FBXL18: variants seen among roughly 807,000 people sequenced by gnomAD.
FBXL18 encodes the protein F-box and leucine rich repeat protein 18.
In FBXL18, 36 loss-of-function variants were observed where a neutral mutation model predicts 46.0. That is an observed-to-expected ratio of 0.78 (90% CI 0.60 to 1.03). FBXL18 has a LOEUF of 1.03. Ranked by LOEUF, FBXL18 falls within the 50% of genes least tolerant of loss-of-function variation. The pLI is 0.00. For synonymous variants in FBXL18, 557 were observed against 465.3 expected (o/e 1.20, Z -2.54); for missense variants, 977 against 1,004.1 (o/e 0.97, Z 0.36).
At chr7:5,505,355 G>A in intron 2 of FBXL18, 57 bp downstream of exon 2, 18 of 1,522,628 alleles carry the variant, frequency 1.2e-5, no homozygotes, top group Non-Finnish European at 1.6e-5. Context: ...GCTGTGCCCA[G>A]TCCTCAAAGA....
chr7:5,506,012 A>G (rs1784386000), intron 1 of FBXL18, among the ~76,000 whole-genome samples: 1 of 151,126 alleles, frequency 6.6e-6, no homozygotes, highest in African/African-American at 2.4e-5. Flanking sequence ...CTACAGACGC[A>G]TGCCACTTTG....
intron 1 of FBXL18, among the ~76,000 whole-genome samples, chr7:5,508,726 G>C (rs1784455757): frequency 6.6e-6 from 1 of 152,072 alleles, no homozygotes; most frequent in South Asian, 2.1e-4. Flanking sequence ...CAGAACCAGA[G>C]ACAAACTTGA....
chr7:5,493,000 C>T (rs904472011), intron 3 of FBXL18, among the ~76,000 whole-genome samples: 1 of 152,126 alleles, frequency 6.6e-6, no homozygotes, highest in African/African-American at 2.4e-5. Context: ...CAGCAGAAGG[C>T]GCCACAGGCA....
rs1057365667 is a variant in FBXL18 at position 5,496,887 on chromosome 7, C to G, written c.1781+3601G>C. On this transcript the variant is annotated intron_variant, in intron 3 of 4. Coordinates refer to ENST00000382368, the MANE Select transcript of FBXL18 (RefSeq NM_024963.6). This position sits in a 1 kb window ranked among gnomAD's most constrained non-coding sequence, Gnocchi z 4.8. ...CTAAAAATACAAAAAAAAAATTAGCCGAGTATGGTGGTGGGCACCTGTAAT... is the reference window on the plus strand; with the variant it reads ...CTAAAAATACAAAAAAAAAATTAGCGGAGTATGGTGGTGGGCACCTGTAAT... 1.6e-4 allele frequency among the ~76,000 whole-genome samples: 25 copies of G among 151,834 alleles called. No individual in the cohort carries two copies. Among genetic ancestry groups the G allele is most frequent in the Admixed American group, 6.6e-5 (1 of 15,226 alleles).
Position 5,505,525 on chromosome 7 carries a change from G to C in FBXL18, c.124C>G (p.His42Asp). 1 of 1,614,164 alleles carries C rather than the reference G, an allele frequency of 6.2e-7. No homozygotes were observed. The highest frequency in any genetic ancestry group is 1.1e-5 in the South Asian group (1 of 91,074). The stretch of plus-strand genomic sequence containing the variant: ...AGAATCAGATCTGTGCTGGGGACGT[G>C]ACTCAGGATGTGAAGGAGGATCTCA... ...SDEILLHILS[H>D]VPSTDLILNV... Residue 42 changes from histidine (H) to aspartate (D), a missense_variant, in exon 2 of 5, where the codon CAC becomes GAC. Coordinates refer to ENST00000382368, the MANE Select transcript of FBXL18 (RefSeq NM_024963.6).
rs540503935 is a variant in FBXL18 at position 5,496,179 on chromosome 7, T to C, written c.1781+4309A>G. 6.6e-6 allele frequency among the ~76,000 whole-genome samples: 1 copy of C among 152,248 alleles called. No homozygotes were observed. Among genetic ancestry groups the C allele is most frequent in the South Asian group, 2.1e-4 (1 of 4,820 alleles). ...CACTCTCTGGGCCTTACTTTCTTCA[T>C]CCATTAAGTGGGTACAACTGTGTCG... On this transcript the variant is annotated intron_variant, in intron 3 of 4. Coordinates refer to ENST00000382368, the MANE Select transcript of FBXL18 (RefSeq NM_024963.6). The surrounding 1 kb of genome is among the most constrained non-coding windows in gnomAD (Gnocchi z 4.8).
intron 1 of FBXL18, among the ~76,000 whole-genome samples, chr7:5,512,123 TAGTC>T (rs1784552678): frequency 6.8e-6 from 1 of 147,514 alleles, no homozygotes; most frequent in Non-Finnish European, 1.5e-5. Context: ...CGGGCGCCCG[TAGTC>T]CCAGCTACTC....
rs1171338517 is a variant in FBXL18, at chr7:5,513,755, G to A, written c.-81C>T. 1.8e-5 allele frequency: 28 copies of A among 1,540,920 alleles called. No homozygotes were observed. Among genetic ancestry groups the A allele is most frequent in the Admixed American group, 3.9e-5 (2 of 51,064 alleles). The stretch of plus-strand genomic sequence containing the variant: ...TGCCCGGCTAGGGATGCTCGAAGCC[G>A]GCGCGTCCACCGCTCAACCGAGACC... On this transcript the variant is annotated 5_prime_UTR_variant, in exon 1 of 5. Coordinates refer to ENST00000382368, the MANE Select transcript of FBXL18 (RefSeq NM_024963.6).
chr7:5,475,881 G>C lies in FBXL18; in HGVS notation c.*5894C>G, dbSNP rs370474436. 1 of 152,268 alleles carries C rather than the reference G, an allele frequency of 6.6e-6. No individual in the cohort carries two copies. The highest frequency in any genetic ancestry group is 2.1e-4 in the South Asian group (1 of 4,834). 9.4% of individuals were successfully genotyped at this position (152,268 alleles called of 1,614,324 possible). ...AAAATTCCCATCCAGAATGTAGTTT[G>C]CTACAGTGAACACCAATGTCAGGAG... On this transcript the variant is annotated 3_prime_UTR_variant, in exon 5 of 5. Transcript: ENST00000382368. The surrounding 1 kb of genome is among the most constrained non-coding windows in gnomAD (Gnocchi z 4.2).
intron 4 of FBXL18, among the ~76,000 whole-genome samples, chr7:5,454,655 G>T (rs1783147649): frequency 6.6e-6 from 1 of 152,094 alleles, no homozygotes; most frequent in Non-Finnish European, 1.5e-5. Flanking sequence ...TTTACAGATG[G>T]GGCCCTGAGT....
chr7:5,475,216 G>A (rs1783490442), downstream of FBXL18, among the ~76,000 whole-genome samples: 1 of 151,890 alleles, frequency 6.6e-6, no homozygotes, highest in Non-Finnish European at 1.5e-5. The surrounding 1 kb of genome is among the most constrained non-coding windows in gnomAD (Gnocchi z 4.2). Context: ...CAGCTACTCC[G>A]GAGGCTGAGG....
At chr7:5,464,660 T>A (rs1267335787) in intron 4 of FBXL18, among the ~76,000 whole-genome samples, 2 of 26,828 alleles carry the variant, frequency 7.5e-5, no homozygotes, top group Non-Finnish European at 6.4e-5. Flanking sequence ...AAAACTCTTA[T>A]CTCAAAAAAA....
chr7:5,471,275 A>G (rs920000974), downstream of FBXL18, among the ~76,000 whole-genome samples: 4 of 152,136 alleles, frequency 2.6e-5, no homozygotes, highest in Non-Finnish European at 5.9e-5. Flanking sequence ...CTTCCAGTGC[A>G]AACCCTCGGA....
downstream of FBXL18, among the ~76,000 whole-genome samples, chr7:5,470,930 G>T (rs1193599227): frequency 1.3e-5 from 2 of 152,114 alleles, no homozygotes; most frequent in African/African-American, 4.8e-5. Context: ...CTGTGTCCTT[G>T]CCAATGGTAT....
In FBXL18 at chr7:5,491,428, G is replaced by A. The variant is rs776659657; in HGVS notation, c.1803C>T (p.Ser601=). 2.5e-5 allele frequency: 40 copies of A among 1,593,116 alleles called. No homozygotes were observed. Among genetic ancestry groups the A allele is most frequent in the African/African-American group, 5.3e-5 (4 of 74,768 alleles). The change falls in exon 4 of 5, where the codon AGC becomes AGT. Residue 601 remains serine, a synonymous_variant. Coordinates refer to ENST00000382368, the MANE Select transcript of FBXL18 (RefSeq NM_024963.6). ...GCGCCTGGAAGAACTGGGCGTTGGC[G>A]CTGAAGTAGGGCTGCTCCAGCCTGC... The part of the protein sequence containing the change: ...RDLRLEQPYF[S]ANAQFFQALS...
At chr7:5,464,396 C>T (rs1247118805) in intron 4 of FBXL18, among the ~76,000 whole-genome samples, 1 of 151,940 alleles carries the variant, frequency 6.6e-6, no homozygotes, top group Non-Finnish European at 1.5e-5. Context: ...GGGAGAATTG[C>T]TTGAACCCAG....
intron 4 of FBXL18, among the ~76,000 whole-genome samples, chr7:5,482,278 G>A (rs536120871): frequency 5.9e-5 from 9 of 152,302 alleles, no homozygotes; most frequent in Admixed American, 5.9e-4. Flanking sequence ...CCCCACTGCA[G>A]GAGTGGCAGA....
chr7:5,481,781 C>T lies in FBXL18; in HGVS notation c.2151G>A (p.Trp717Ter), dbSNP rs200978221. The T allele has an allele frequency of 4.6e-5, 74 of 1,613,400 alleles. No homozygotes were observed. The highest frequency in any genetic ancestry group is 1.8e-5 in the Non-Finnish European group (21 of 1,179,972). Residue 717 changes from tryptophan to a stop codon, truncating the protein, a stop_gained, in exon 5 of 5, where the codon TGG (tryptophan) becomes TGA (stop). Coordinates refer to ENST00000382368, the MANE Select transcript of FBXL18 (RefSeq NM_024963.6). LOFTEE classifies it high-confidence loss of function. ...TGGGCGGCGGCTCCGCCTCTCACCA[C>T]CACAGGTTCGGCGGTTCCTCGGCCA... is the stretch of plus-strand genomic sequence containing the variant. ...SRVAEEPPNL[W>*]W
At position 5,500,940 on chromosome 7, in the gene FBXL18, T is replaced by C. The variant is rs753011059; in HGVS notation, c.1329A>G (p.Ala443=). Residue 443 remains alanine (A), a synonymous_variant, in exon 3 of 5, where the codon GCA becomes GCG. Transcript: ENST00000382368. ...CTTTCTTGCCAAAGCCGCGCGGCAC[T>C]GCGTGCATGGCCGGCTGGGCGGGCG... The part of the protein sequence containing the change: ...DRAPAQPAMH[A]VPRGFGKKVR... 9 of 1,551,568 alleles carry C rather than the reference T, an allele frequency of 5.8e-6. No homozygotes were observed. The South Asian group carries it at 1.1e-4, about 19-fold the overall frequency.
Sources: allele counts gnomAD v4.1 joint callset (sites outside exome capture counted in the v4.1 genomes callset), GRCh38; gene constraint gnomAD v4.1.1; non-coding constraint Gnocchi (gnomAD v3.1); transcripts MANE v1.5; gene names NCBI Gene and HGNC (gene_info 2026-07-23, HGNC 2026-07-21).